The following TRAPPC9 variants were observed in gnomAD, a reference collection of about 807,000 sequenced individuals.
TRAPPC9 encodes IKK2 binding protein.
In TRAPPC9, 83 loss-of-function variants were observed where a neutral mutation model predicts 124.0. The observed-to-expected ratio is 0.67, with a 90% confidence interval of 0.56 to 0.80. The LOEUF is 0.80. Ranked by LOEUF, TRAPPC9 falls within the 30% of genes least tolerant of loss-of-function variation. The pLI is 0.00. For missense variants in TRAPPC9, 1,302 were observed against 1,508.3 expected (o/e 0.86, Z 2.27); for synonymous variants, 638 against 617.5 (o/e 1.03, Z -0.49).
chr8:140,291,190 C>T, intron 11 of TRAPPC9, 112 bp from the exon 12 acceptor site: 1 of 950,134 alleles, frequency 1.1e-6, no homozygotes, highest in Non-Finnish European at 1.7e-6. Context: ...AGGCAGCAGG[C>T]TCTATGATCT....
chr8:139,818,968 C>T (rs1825058930), intron 21 of TRAPPC9, among the ~76,000 whole-genome samples: 1 of 152,222 alleles, frequency 6.6e-6, no homozygotes, highest in Non-Finnish European at 1.5e-5. Flanking sequence ...TACAGGGGTC[C>T]CCAACCCCCT....
rs148348074 is a variant in TRAPPC9 at position 139,731,153 on chromosome 8, G to A, written c.3355C>T (p.Arg1119Trp). 20 of 1,614,004 alleles carry A rather than the reference G, an allele frequency of 1.2e-5. No individual in the cohort carries two copies. The highest frequency in any genetic ancestry group is 1.1e-4 in the African/African-American group (8 of 75,060). The part of the protein sequence containing the change: ...LYTGDFFLHI[R>W]FHEDSTSKEL... ...TTGCTGGTGCTGTCCTCGTGGAACCGGATGTGGAGGAAGAAGTCTCCCGTG... is the reference window on the plus strand; with the variant it reads ...TTGCTGGTGCTGTCCTCGTGGAACCAGATGTGGAGGAAGAAGTCTCCCGTG... The change falls in exon 23 of 23, where the codon CGG becomes TGG. Residue 1119 changes from arginine (R) to tryptophan (W), a missense_variant. Arg to Trp is a moderately radical substitution (Grantham distance 101). This residue lies in a region of TRAPPC9 where 640 missense variants were observed against 679.3 expected (regional missense o/e 0.94). Coordinates refer to ENST00000438773, the MANE Select transcript of TRAPPC9 (RefSeq NM_001160372.4).
At position 140,072,530 on chromosome 8, in the gene TRAPPC9, AG is replaced by A. The variant is rs1391969952; in HGVS notation, c.2557-48452del. The stretch of plus-strand genomic sequence containing the variant: ...GAGACTCCGTCTCAAAAAAAAAAGG[AG>A]GAGGAGGAGGAGGAGGAAGAGGAGG... On this transcript the variant is annotated intron_variant, in intron 17 of 22. Coordinates refer to ENST00000438773, the MANE Select transcript of TRAPPC9 (RefSeq NM_001160372.4). Among the ~76,000 whole-genome samples the A allele has an allele frequency of 3.4e-4, 44 of 128,250 alleles. No homozygotes were observed. The South Asian group carries it at 6.4e-3, about 19-fold the overall frequency. 84.1% of individuals were successfully genotyped at this position (128,250 alleles called of 152,430 possible). A position where few individuals can be genotyped will look rare whatever the true frequency, so the allele number is the denominator to read the frequency against.
At chr8:139,847,774 G>A (rs978692392) in intron 21 of TRAPPC9, among the ~76,000 whole-genome samples, 5 of 150,318 alleles carry the variant, frequency 3.3e-5, no homozygotes, top group East Asian at 1.9e-4. Context: ...CCTCTCCGGC[G>A]GCCCAGCCTG....
intron 9 of TRAPPC9, among the ~76,000 whole-genome samples, chr8:140,342,330 C>T (rs2067218947): frequency 6.6e-6 from 1 of 152,130 alleles, no homozygotes; most frequent in Non-Finnish European, 1.5e-5. Flanking sequence ...CTAGTATATC[C>T]ACTAATATAT....
intron 21 of TRAPPC9, among the ~76,000 whole-genome samples, chr8:139,802,546 T>A (rs1823611427): frequency 6.6e-6 from 1 of 152,180 alleles, no homozygotes; most frequent in South Asian, 2.1e-4. Context: ...TGAAATGAGG[T>A]TGCTACTAAA....
At chr8:139,922,330 C>T (rs865873256) in intron 19 of TRAPPC9, among the ~76,000 whole-genome samples, 16 of 152,118 alleles carry the variant, frequency 1.1e-4, no homozygotes, top group Admixed American at 2.6e-4. Context: ...ACTACAGGCA[C>T]GTGCCACCAC....
intron 17 of TRAPPC9, among the ~76,000 whole-genome samples, chr8:140,194,169 G>GC (rs2062574686): frequency 6.6e-6 from 1 of 151,924 alleles, no homozygotes; most frequent in African/African-American, 2.4e-5. Context: ...TATGGCAAAG[G>GC]CCCCTGTCTA....
chr8:139,730,669 A>G lies in TRAPPC9; in HGVS notation c.*392T>C, dbSNP rs554930360. ...AGTCTCATGCTCACCATTTCTTTCTATGGCCAAAGGGAAGTCGCTGGACGA... is the reference window on the plus strand; with the variant it reads ...AGTCTCATGCTCACCATTTCTTTCTGTGGCCAAAGGGAAGTCGCTGGACGA... On this transcript the variant is annotated 3_prime_UTR_variant, in exon 23 of 23. Transcript: ENST00000438773. 3.4e-4 allele frequency: 79 copies of G among 230,688 alleles called. 1 individual carries two copies. The South Asian group carries it at 5.5e-3, about 16-fold the overall frequency. The allele number at this position is 230,688 out of a possible 1,614,324, so 14.3% of individuals were successfully genotyped here.
chr8:140,372,915 A>G (rs1285076649), intron 7 of TRAPPC9, among the ~76,000 whole-genome samples: 1 of 152,164 alleles, frequency 6.6e-6, no homozygotes, highest in Non-Finnish European at 1.5e-5. Context: ...GACAATCCCC[A>G]TCTTGAAACC....
intron 19 of TRAPPC9, among the ~76,000 whole-genome samples, chr8:139,927,175 GACTGGGGTGGAAGA>G (rs1832867045): frequency 6.6e-6 from 1 of 152,192 alleles, no homozygotes; most frequent in Non-Finnish European, 1.5e-5. Context: ...CATTGGCAGT[GACTGGGGTGGAAGA>G]ACGAGAACTC....
chr8:139,900,676 C>T (rs1290387322), intron 20 of TRAPPC9, among the ~76,000 whole-genome samples: 2 of 152,192 alleles, frequency 1.3e-5, no homozygotes, highest in African/African-American at 4.8e-5. Context: ...AAAAACACAG[C>T]CAGATGCAAA....
chr8:140,299,146 G>A (rs1204058199), intron 11 of TRAPPC9, among the ~76,000 whole-genome samples: 1 of 152,248 alleles, frequency 6.6e-6, no homozygotes, highest in African/African-American at 2.4e-5. Flanking sequence ...AGGGGCAGGG[G>A]ACGAGTTCCT....
chr8:140,426,017 A>G (rs1476322007), intron 5 of TRAPPC9, among the ~76,000 whole-genome samples: 1 of 152,248 alleles, frequency 6.6e-6, no homozygotes, highest in Non-Finnish European at 1.5e-5. Context: ...AAGCACAGCC[A>G]TCTGATTTCA....
chr8:140,388,833 G>C (rs2068833740), intron 7 of TRAPPC9, among the ~76,000 whole-genome samples: 1 of 137,340 alleles, frequency 7.3e-6, no homozygotes, highest in South Asian at 2.4e-4. Context: ...CTGAACAGCA[G>C]AGTGAGACTC....
At chr8:140,372,616 G>A (rs1381381744) in intron 7 of TRAPPC9, among the ~76,000 whole-genome samples, 2 of 152,162 alleles carry the variant, frequency 1.3e-5, no homozygotes, top group Non-Finnish European at 2.9e-5. Flanking sequence ...GATGGAATTA[G>A]GAGGTGGGGA....
intron 14 of TRAPPC9, among the ~76,000 whole-genome samples, chr8:140,276,401 G>C (rs1177250276): frequency 2.0e-5 from 3 of 152,172 alleles, no homozygotes; most frequent in Non-Finnish European, 4.4e-5. Flanking sequence ...CCTGGGGTCA[G>C]GCAGTATCTG....
intron 19 of TRAPPC9, among the ~76,000 whole-genome samples, chr8:139,988,132 G>A (rs1392180804): frequency 7.6e-5 from 11 of 144,296 alleles, no homozygotes; most frequent in African/African-American, 1.3e-4. Flanking sequence ...TTTTTGAGGC[G>A]GAGTCTCGCT....
intron 19 of TRAPPC9, among the ~76,000 whole-genome samples, chr8:139,938,996 G>A (rs1833723588): frequency 6.6e-6 from 1 of 152,192 alleles, no homozygotes; most frequent in Admixed American, 6.5e-5. Flanking sequence ...TGAATAAAGT[G>A]CCATGTCCTC....
Sources: gnomAD v4.1 joint callset for allele counts (sites outside exome capture counted in the v4.1 genomes callset) on GRCh38, gnomAD v4.1.1 for gene constraint, gnomAD v4.1.1 regional missense constraint, MANE v1.5 for transcripts, NCBI Gene and HGNC (gene_info 2026-07-23, HGNC 2026-07-21) for gene names.